Variants in NBEAL1 observed in about 807,000 individuals in gnomAD.
NBEAL1 encodes the protein neurobeachin-like protein 1.
A neutral mutation model predicts 351.3 loss-of-function variants in NBEAL1; 273 were observed. The observed-to-expected ratio is 0.78, with a 90% CI of 0.70 to 0.86. NBEAL1 has a LOEUF of 0.86. Among genes scored for constraint, NBEAL1 ranks in the 40% least tolerant of loss-of-function variants. The pLI, the probability that NBEAL1 is intolerant of heterozygous loss-of-function variation, is 0.00. For synonymous variants in NBEAL1, 1,050 were observed against 1,086.4 expected, an observed-to-expected ratio of 0.97 and a Z score of 0.66; for missense variants, 2,961 against 3,201.3, an observed-to-expected ratio of 0.92 and a Z score of 1.81.
chr2:203,192,613 T>A (rs1248897481), intron 46 of NBEAL1, among the ~76,000 whole-genome samples: 3 of 152,162 alleles, frequency 2.0e-5, no homozygotes, highest in African/African-American at 7.2e-5. Context: ...CTTGAACTCC[T>A]GACCTCAGGT....
intron 42 of NBEAL1, 76 bp from the exon 43 acceptor site, chr2:203,180,306 G>A (rs749485866): frequency 5.2e-6 from 7 of 1,357,424 alleles, no homozygotes; most frequent in Non-Finnish European, 7.1e-6. Context: ...ACCCTGAAGG[G>A]AGTTTAAAAG....
intron 51 of NBEAL1, among the ~76,000 whole-genome samples, chr2:203,203,464 T>C (rs1020423698): frequency 6.6e-6 from 1 of 152,030 alleles, no homozygotes; most frequent in Non-Finnish European, 1.5e-5. Flanking sequence ...TATGAGCCAC[T>C]GTGCCCGGTC....
intron 4 of NBEAL1, among the ~76,000 whole-genome samples, chr2:203,051,511 A>C (rs1407253853): frequency 6.6e-6 from 1 of 151,484 alleles, no homozygotes; most frequent in Non-Finnish European, 1.5e-5. Context: ...ATGCCATTGC[A>C]CTTCAGCCTG....
Position 203,199,371 on chromosome 2 carries a change from C to T in NBEAL1, c.7162C>T (p.His2388Tyr). ...AAGCATGAATTATGTTATTGGAACC[C>T]ATGGATGGTTGCCTTATGACAGAAA... ...TISMNYVIGT[H>Y]GWLPYDRNIS... The change falls in exon 49 of 56, where the codon CAT becomes TAT. Residue 2388 changes from histidine to tyrosine, a missense_variant. By Grantham distance (83) the His-to-Tyr change is moderately conservative. Coordinates refer to ENST00000683969, the MANE Select transcript of NBEAL1 (RefSeq NM_001378026.1). 6.2e-7 allele frequency: 1 copy of T among 1,603,728 alleles called. No individual in the cohort carries two copies. The highest frequency in any genetic ancestry group is 1.1e-5 in the South Asian group (1 of 90,356).
At chr2:203,132,828 C>T (rs1272268898) in intron 26 of NBEAL1, among the ~76,000 whole-genome samples, 2 of 152,000 alleles carry the variant, frequency 1.3e-5, no homozygotes, top group Non-Finnish European at 2.9e-5. Context: ...ATATAAGAGC[C>T]ATGCAGTATG....
chr2:203,176,985 C>T (rs2064525096), intron 42 of NBEAL1, among the ~76,000 whole-genome samples: 1 of 151,504 alleles, frequency 6.6e-6, no homozygotes, highest in Non-Finnish European at 1.5e-5. Flanking sequence ...AACCCCATCT[C>T]TACAAAAAAT....
In NBEAL1 at chr2:203,220,968, A is replaced by G. The variant is rs1053287823; in HGVS notation, c.*3614A>G. ...ATTCTGTCATTAGCAAGGAACACCA[A>G]TGAGGTTTCTTTTTTTTCTCTATTT... On this transcript the variant is annotated 3_prime_UTR_variant, in exon 56 of 56. Transcript: ENST00000683969. Among the ~76,000 whole-genome samples, 2 of 152,184 alleles carry G rather than the reference A, an allele frequency of 1.3e-5. No homozygotes were observed. The highest frequency in any genetic ancestry group is 2.9e-5 in the Non-Finnish European group (2 of 68,036).
intron 7 of NBEAL1, among the ~76,000 whole-genome samples, chr2:203,070,163 G>A (rs1410591046): frequency 6.6e-6 from 1 of 151,240 alleles, no homozygotes; most frequent in Admixed American, 6.6e-5. Context: ...ACCCTAGTTT[G>A]CTAATAGTTT....
intron 36 of NBEAL1, among the ~76,000 whole-genome samples, chr2:203,163,437 C>A (rs1187804937): frequency 6.6e-6 from 1 of 151,772 alleles, no homozygotes; most frequent in Non-Finnish European, 1.5e-5. Flanking sequence ...ATTTTATATT[C>A]TTTTTATATA....
At chr2:203,102,585 T>C (rs898781916) in intron 12 of NBEAL1, among the ~76,000 whole-genome samples, 4 of 152,214 alleles carry the variant, frequency 2.6e-5, no homozygotes, top group Non-Finnish European at 5.9e-5. Context: ...CTGTTTTTAG[T>C]TCTGTTTATG....
Position 203,127,861 on chromosome 2 carries a change from T to C in NBEAL1, c.3329T>C (p.Phe1110Ser). 6.5e-7 allele frequency: 1 copy of C among 1,550,180 alleles called. No homozygotes were observed. Among genetic ancestry groups the C allele is most frequent in the Non-Finnish European group, 8.7e-7 (1 of 1,143,770 alleles). Reference sequence around the variant, plus strand: ...TCTTTGTATGGACTAATTAAATATTTTCTGTGCAAAGGTGGATCTCATGAA... The same window carrying C: ...TCTTTGTATGGACTAATTAAATATTCTCTGTGCAAAGGTGGATCTCATGAA... Reference protein sequence around the residue: ...RTSLYGLIKYFLCKGGSHEEI... With the variant: ...RTSLYGLIKYSLCKGGSHEEI... The change falls in exon 24 of 56, where the codon TTT (phenylalanine) becomes TCT (serine). Residue 1110 changes from phenylalanine (F) to serine (S), a missense_variant. By Grantham distance (155) the Phe-to-Ser change is radical. Coordinates refer to ENST00000683969, the MANE Select transcript of NBEAL1 (RefSeq NM_001378026.1).
rs2061802613 is a variant in NBEAL1, at chr2:203,077,766, A to T, written c.613A>T (p.Ser205Cys). Reference protein sequence around the residue: ...VPFFYQCFQESEHLKESLKCC... With the variant: ...VPFFYQCFQECEHLKESLKCC... ...ATTATTTACAGAATGTTTTCAGGAA[A>T]GTGAACATCTCAAGGAAAGTCTTAA... The change falls in exon 8 of 56, where the codon AGT (serine) becomes TGT (cysteine). Residue 205 changes from serine to cysteine, a missense_variant. Coordinates refer to ENST00000683969, the MANE Select transcript of NBEAL1 (RefSeq NM_001378026.1). 6.9e-7 allele frequency: 1 copy of T among 1,439,108 alleles called. No homozygotes were observed. The highest frequency in any genetic ancestry group is 9.2e-7 in the Non-Finnish European group (1 of 1,087,272). The allele number at this position is 1,439,108 out of a possible 1,614,324, so 89.1% of individuals were successfully genotyped here.
chr2:203,080,133 G>A (rs2061846963), intron 8 of NBEAL1, among the ~76,000 whole-genome samples: 2 of 152,082 alleles, frequency 1.3e-5, no homozygotes, highest in Non-Finnish European at 1.5e-5. Context: ...TTCCTGGCCG[G>A]GCATGGTGGC....
intron 2 of NBEAL1, among the ~76,000 whole-genome samples, chr2:203,035,526 G>A (rs894962778): frequency 1.3e-5 from 2 of 149,356 alleles, no homozygotes; most frequent in Non-Finnish European, 3.0e-5. Context: ...TGACCAACTT[G>A]ATGGCAAAGT....
intron 10 of NBEAL1, among the ~76,000 whole-genome samples, chr2:203,093,525 AAAC>A (rs1381857443): frequency 1.3e-5 from 2 of 152,170 alleles, no homozygotes; most frequent in Non-Finnish European, 2.9e-5. Context: ...TTTTGTTTTG[AAAC>A]AAAAATGCTG....
In NBEAL1 at chr2:203,083,076, G is replaced by A. The variant is rs2061900800; in HGVS notation, c.685-143G>A. The A allele has an allele frequency of 1.3e-5, 9 of 677,068 alleles. No homozygotes were observed. In the East Asian group the frequency reaches 2.2e-4, roughly 16 times the overall value. The allele number at this position is 677,068 out of a possible 1,614,324, so 41.9% of individuals were successfully genotyped here. A position where few individuals can be genotyped will look rare whatever the true frequency, so the allele number is the denominator to read the frequency against. Reference sequence around the variant, plus strand: ...ATTTAATATGTATGAACCACTAGCAGTGGCTATCAGAGTATCTGTTACAAA... The same window carrying A: ...ATTTAATATGTATGAACCACTAGCAATGGCTATCAGAGTATCTGTTACAAA... On this transcript the variant is annotated intron_variant, in intron 8 of 55. Transcript: ENST00000683969.
chr2:203,015,438 A>G (rs551242072), intron 1 of NBEAL1, among the ~76,000 whole-genome samples: 1 of 151,318 alleles, frequency 6.6e-6, no homozygotes, highest in African/African-American at 2.4e-5. Flanking sequence ...CTGCCCTGCA[A>G]CACAGCAAAC....
At chr2:203,143,539 G>C (rs2063434955) in intron 31 of NBEAL1, among the ~76,000 whole-genome samples, 1 of 147,312 alleles carries the variant, frequency 6.8e-6, no homozygotes, top group African/African-American at 2.7e-5. Flanking sequence ...TTTATTTGCT[G>C]TCCTCACAGC....
chr2:203,035,597 G>C (rs917063790), intron 2 of NBEAL1, among the ~76,000 whole-genome samples: 8 of 149,274 alleles, frequency 5.4e-5, no homozygotes, highest in African/African-American at 1.9e-4. Context: ...GGAAGGCACT[G>C]TTGAGTGCCT....
Sources: allele counts gnomAD v4.1 joint callset (sites outside exome capture counted in the v4.1 genomes callset), GRCh38; gene constraint gnomAD v4.1.1; transcripts MANE v1.5; gene names NCBI Gene and HGNC (gene_info 2026-07-23, HGNC 2026-07-21).